The following EBF1 variants were observed in gnomAD, a reference collection of about 807,000 sequenced individuals.
The protein encoded by EBF1 is transcription factor COE1.
EBF1 carries 10 observed loss-of-function variants against 68.4 expected under a neutral mutation model. That is an observed-to-expected ratio of 0.15 (90% CI 0.09 to 0.25). The LOEUF is 0.25. Ranked by LOEUF, EBF1 falls within the 10% of genes least tolerant of loss-of-function variation. EBF1 has a pLI of 1.00. For synonymous variants in EBF1, 298 were observed against 299.8 expected, an observed-to-expected ratio of 0.99 and a Z score of 0.06; for missense variants, 509 against 794.4, an observed-to-expected ratio of 0.64 and a Z score of 4.32.
intron 10 of EBF1, among the ~76,000 whole-genome samples, chr5:158,760,394 A>G (rs552330688): frequency 8.5e-5 from 13 of 152,288 alleles, no homozygotes; most frequent in Middle Eastern, 3.4e-3. Context: ...AACCCATTAT[A>G]TAAGATGAAG....
At chr5:158,991,203 G>A (rs1385073904) in intron 6 of EBF1, among the ~76,000 whole-genome samples, 2 of 152,184 alleles carry the variant, frequency 1.3e-5, no homozygotes. Flanking sequence ...ATGTTCCACA[G>A]AGCACAATGC....
At chr5:158,705,039 A>T (rs1757564784) in intron 15 of EBF1, among the ~76,000 whole-genome samples, 1 of 152,190 alleles carries the variant, frequency 6.6e-6, no homozygotes, top group Non-Finnish European at 1.5e-5. Flanking sequence ...TCTGGAGTGC[A>T]GTGGCACGAT....
intron 7 of EBF1, among the ~76,000 whole-genome samples, chr5:158,831,812 A>C (rs1787640361): frequency 6.6e-6 from 1 of 152,144 alleles, no homozygotes; most frequent in Non-Finnish European, 1.5e-5. Context: ...TGAAATCTGA[A>C]TAAAAAATAT....
In EBF1 at chr5:158,812,621, C is replaced by T. The variant is rs1246878906; in HGVS notation, c.778+10555G>A. ...CGGTGGTTCCTGCCTGCCTGCCCCT[C>T]CCCCATGCATCAGTTTCAACACAGT... On this transcript the variant is annotated intron_variant, in intron 8 of 15. Transcript: ENST00000313708. 8.5e-5 allele frequency among the ~76,000 whole-genome samples: 13 copies of T among 152,260 alleles called. No individual in the cohort carries two copies. In the East Asian group the frequency reaches 2.3e-3, roughly 27 times the overall value.
rs750203142 is a variant in EBF1 at position 158,699,076 on chromosome 5, C to T, written c.*35G>A. 3.2e-6 allele frequency: 5 copies of T among 1,585,552 alleles called. No homozygotes were observed. Among genetic ancestry groups the T allele is most frequent in the African/African-American group, 2.7e-5 (2 of 73,508 alleles). On this transcript the variant is annotated 3_prime_UTR_variant, in exon 16 of 16. Coordinates refer to ENST00000313708, the MANE Select transcript of EBF1 (RefSeq NM_024007.5). Reference sequence around the variant, plus strand: ...GATTACTCTCTGTAGCAGAATCCAACCTCTTCATTAATACAATTCTTCAAG... The same window carrying T: ...GATTACTCTCTGTAGCAGAATCCAATCTCTTCATTAATACAATTCTTCAAG...
intron 6 of EBF1, among the ~76,000 whole-genome samples, chr5:159,045,604 T>C (rs1331791766): frequency 1.3e-5 from 2 of 152,158 alleles, no homozygotes; most frequent in Non-Finnish European, 1.5e-5. Flanking sequence ...ATTTACTATA[T>C]GCATAATTTT....
At chr5:158,906,423 C>G (rs1383436084) in intron 6 of EBF1, among the ~76,000 whole-genome samples, 1 of 151,380 alleles carries the variant, frequency 6.6e-6, no homozygotes, top group Non-Finnish European at 1.5e-5. Flanking sequence ...ACAAAAACAA[C>G]TCAAAATTCA....
chr5:158,901,888 C>T (rs1336565678), intron 6 of EBF1, among the ~76,000 whole-genome samples: 5 of 152,070 alleles, frequency 3.3e-5, no homozygotes, highest in South Asian at 2.1e-4. Context: ...GCCAGGGGTT[C>T]GAGACCAGCC....
chr5:159,083,646 G>C (rs1409117296), intron 5 of EBF1, among the ~76,000 whole-genome samples: 1 of 152,130 alleles, frequency 6.6e-6, no homozygotes, highest in African/African-American at 2.4e-5. Context: ...GAGTTTTAAG[G>C]TTGCTTTCCC....
intron 6 of EBF1, among the ~76,000 whole-genome samples, chr5:159,070,524 G>C (rs1561941822): frequency 6.6e-6 from 1 of 152,154 alleles, no homozygotes; most frequent in Non-Finnish European, 1.5e-5. Flanking sequence ...CACAGAAATA[G>C]CTTGCCCTGC....
chr5:158,780,943 T>C (rs116371011), intron 9 of EBF1, among the ~76,000 whole-genome samples: 1,632 of 152,334 alleles, frequency 0.011, 34 homozygotes, highest in African/African-American at 0.037. Flanking sequence ...AGATTCATTC[T>C]TTGACTTAAC....
At chr5:158,878,670 G>A (rs955583166) in intron 6 of EBF1, among the ~76,000 whole-genome samples, 81 of 143,178 alleles carry the variant, frequency 5.7e-4, no homozygotes, top group Non-Finnish European at 9.4e-4. Context: ...CTGAGACAGA[G>A]TCTTGCTCTG....
At chr5:158,980,641 T>C (rs1757707509) in intron 6 of EBF1, among the ~76,000 whole-genome samples, 1 of 152,200 alleles carries the variant, frequency 6.6e-6, no homozygotes, top group African/African-American at 2.4e-5. Flanking sequence ...TGAATATAAA[T>C]AACTAACAAA....
At chr5:159,062,440 A>G (rs953110039) in intron 6 of EBF1, among the ~76,000 whole-genome samples, 7 of 140,640 alleles carry the variant, frequency 5.0e-5, no homozygotes, top group Non-Finnish European at 9.3e-5. Context: ...TTCAGAGTCA[A>G]CCAGGCACAT....
At chr5:159,083,250 CAT>C (rs1374656100) in intron 5 of EBF1, among the ~76,000 whole-genome samples, 1 of 152,144 alleles carries the variant, frequency 6.6e-6, no homozygotes, top group Non-Finnish European at 1.5e-5. Flanking sequence ...AGAAAGAGGT[CAT>C]GTTTTAACAT....
At chr5:158,769,522 C>A (rs1168557269) in intron 10 of EBF1, among the ~76,000 whole-genome samples, 1 of 152,082 alleles carries the variant, frequency 6.6e-6, no homozygotes, top group Non-Finnish European at 1.5e-5. Context: ...TAATATGCTT[C>A]CTTCAGATCA....
chr5:159,046,213 A>AG (rs1772364622), intron 6 of EBF1, among the ~76,000 whole-genome samples: 1 of 152,146 alleles, frequency 6.6e-6, no homozygotes, highest in East Asian at 1.9e-4. Flanking sequence ...CCATCTTATC[A>AG]GTTACTCTTG....
At chr5:159,009,673 G>A (rs1349123897) in intron 6 of EBF1, among the ~76,000 whole-genome samples, 1 of 151,900 alleles carries the variant, frequency 6.6e-6, no homozygotes, top group Non-Finnish European at 1.5e-5. Context: ...CAGCTACTCA[G>A]GAGGCTGAGG....
intron 8 of EBF1, among the ~76,000 whole-genome samples, chr5:158,819,849 T>C (rs1285139555): frequency 6.6e-6 from 1 of 152,166 alleles, no homozygotes; most frequent in Admixed American, 6.5e-5. Context: ...GAAGAGAAAG[T>C]ACGGGGGAAG....
Sources: allele counts gnomAD v4.1 joint callset (sites outside exome capture counted in the v4.1 genomes callset), GRCh38; gene constraint gnomAD v4.1.1; transcripts MANE v1.5; gene names NCBI Gene and HGNC (gene_info 2026-07-23, HGNC 2026-07-21).